Variants in ZNF385D observed in about 807,000 individuals in gnomAD.
ZNF385D encodes the protein zinc finger protein 385D.
In ZNF385D, 15 loss-of-function variants were observed where a neutral mutation model predicts 35.8. That is an observed-to-expected ratio of 0.42 (90% CI 0.28 to 0.64). The LOEUF is 0.64. Among genes scored for constraint, ZNF385D ranks in the 30% least tolerant of loss-of-function variants. The pLI is 0.23. For synonymous variants in ZNF385D, 212 were observed against 186.8 expected (o/e 1.13, Z -1.10); for missense variants, 474 against 494.6 (o/e 0.96, Z 0.39).
intron 3 of ZNF385D, among the ~76,000 whole-genome samples, chr3:21,938,426 A>G (rs918746905): frequency 6.6e-6 from 1 of 152,216 alleles, no homozygotes; most frequent in African/African-American, 2.4e-5. Flanking sequence ...AGAGAATGAA[A>G]GTAGGCCAGA....
chr3:22,338,393 T>C (rs760479143), intron 2 of ZNF385D, among the ~76,000 whole-genome samples: 8 of 152,172 alleles, frequency 5.3e-5, no homozygotes, highest in African/African-American at 1.4e-4. Context: ...TTTGATAACA[T>C]AGAATTCCAT....
intron 4 of ZNF385D, among the ~76,000 whole-genome samples, chr3:21,477,337 A>G (rs1704319504): frequency 6.6e-6 from 1 of 152,148 alleles, no homozygotes; most frequent in South Asian, 2.1e-4. Flanking sequence ...CAGAGGCAGA[A>G]GAATCACTTG....
chr3:22,363,701 G>A (rs1428193714), intron 2 of ZNF385D, among the ~76,000 whole-genome samples: 1 of 152,082 alleles, frequency 6.6e-6, no homozygotes, highest in Non-Finnish European at 1.5e-5. Flanking sequence ...TGGTGAGTGT[G>A]TATTCTTACA....
At chr3:22,225,789 A>T (rs1027378396) in intron 2 of ZNF385D, among the ~76,000 whole-genome samples, 1 of 152,152 alleles carries the variant, frequency 6.6e-6, no homozygotes, top group Non-Finnish European at 1.5e-5. Context: ...AAATTTTTAC[A>T]CTCATCTCAG....
intron 3 of ZNF385D, among the ~76,000 whole-genome samples, chr3:21,862,767 T>A (rs144503958): frequency 1.3e-5 from 2 of 152,246 alleles, no homozygotes; most frequent in Admixed American, 6.5e-5. Flanking sequence ...GTTAGCACGG[T>A]CCCTGTTACA....
At chr3:21,981,462 T>A (rs1694446298) in intron 3 of ZNF385D, among the ~76,000 whole-genome samples, 1 of 152,170 alleles carries the variant, frequency 6.6e-6, no homozygotes, top group Non-Finnish European at 1.5e-5. Context: ...ATGCTGGATG[T>A]TACACCTTTG....
At chr3:21,537,958 T>G (rs924222717) in intron 3 of ZNF385D, among the ~76,000 whole-genome samples, 1 of 152,030 alleles carries the variant, frequency 6.6e-6, no homozygotes, top group Non-Finnish European at 1.5e-5. Flanking sequence ...CAATGGTGGC[T>G]TGGACCAAAG....
intron 3 of ZNF385D, among the ~76,000 whole-genome samples, chr3:21,936,963 A>G (rs1242820668): frequency 6.6e-6 from 1 of 152,192 alleles, no homozygotes; most frequent in Non-Finnish European, 1.5e-5. Context: ...TCAACTGTTC[A>G]GGTTCTTGTA....
At chr3:21,431,330 A>G (rs1317710052) in intron 5 of ZNF385D, among the ~76,000 whole-genome samples, 3 of 152,166 alleles carry the variant, frequency 2.0e-5, no homozygotes, top group Admixed American at 2.0e-4. Flanking sequence ...CAGTGATGTA[A>G]TAATTCTTAT....
Position 21,646,674 on chromosome 3 carries a change from A to C in ZNF385D, c.165+18212T>G, listed in dbSNP as rs559493666. Among the ~76,000 whole-genome samples the C allele has an allele frequency of 6.6e-6, 1 of 152,342 alleles. No individual in the cohort carries two copies. The highest frequency in any genetic ancestry group is 2.1e-4 in the South Asian group (1 of 4,832). On this transcript the variant is annotated intron_variant, in intron 2 of 7. Coordinates refer to ENST00000281523, the MANE Select transcript of ZNF385D (RefSeq NM_024697.3). The surrounding 1 kb of genome is among the most constrained non-coding windows in gnomAD (Gnocchi z 4.3). ...TTACTTCAGAGGCAATTAGAAAGAA[A>C]GAAACAGGCCTGCCTTCACTTCTCA...
chr3:22,125,398 G>T (rs936595406), intron 3 of ZNF385D, among the ~76,000 whole-genome samples: 1 of 151,986 alleles, frequency 6.6e-6, no homozygotes, highest in Non-Finnish European at 1.5e-5. Context: ...GCTGTCCTGG[G>T]ACTTTTATGG....
At chr3:21,763,925 G>T (rs937828829) in intron 3 of ZNF385D, among the ~76,000 whole-genome samples, 1 of 152,116 alleles carries the variant, frequency 6.6e-6, no homozygotes, top group African/African-American at 2.4e-5. Flanking sequence ...CTGTGAGAGG[G>T]GCCAGGGATA....
intron 3 of ZNF385D, among the ~76,000 whole-genome samples, chr3:22,141,559 G>C (rs1000449948): frequency 6.6e-6 from 1 of 152,086 alleles, no homozygotes; most frequent in Non-Finnish European, 1.5e-5. Context: ...GACCATCATG[G>C]ACTTCAGCCT....
chr3:21,618,730 T>C lies in ZNF385D; in HGVS notation c.165+46156A>G, dbSNP rs544777344. 7.2e-5 allele frequency among the ~76,000 whole-genome samples: 11 copies of C among 152,158 alleles called. 1 individual carries two copies. The South Asian group carries it at 2.3e-3, about 32-fold the overall frequency. On this transcript the variant is annotated intron_variant, in intron 2 of 7. Transcript: ENST00000281523. ...TTAAATAAGGAAAAAAGTCTATCAG[T>C]TAAAGAACAAAAGTCTACCCAACAT...
chr3:22,037,079 T>A (rs547421474), intron 3 of ZNF385D, among the ~76,000 whole-genome samples: 2 of 152,256 alleles, frequency 1.3e-5, no homozygotes, highest in East Asian at 1.9e-4. Flanking sequence ...TTATGGTGTA[T>A]ATGTGCCACA....
chr3:21,924,025 A>G (rs557756413), intron 3 of ZNF385D, among the ~76,000 whole-genome samples: 3 of 152,344 alleles, frequency 2.0e-5, no homozygotes, highest in African/African-American at 7.2e-5. Flanking sequence ...TTTATGCCTC[A>G]AAATTACCAA....
chr3:21,759,473 C>A (rs562781425), intron 3 of ZNF385D, among the ~76,000 whole-genome samples: 1 of 152,180 alleles, frequency 6.6e-6, no homozygotes, highest in South Asian at 2.1e-4. Flanking sequence ...TTTTATTTGA[C>A]AGACAGTGTA....
chr3:22,118,772 G>C (rs749747115), intron 3 of ZNF385D, among the ~76,000 whole-genome samples: 1 of 152,020 alleles, frequency 6.6e-6, no homozygotes, highest in Non-Finnish European at 1.5e-5. Context: ...TCTGGGTTTA[G>C]AATTTCACAG....
At chr3:22,027,831 G>T (rs1335155547) in intron 3 of ZNF385D, among the ~76,000 whole-genome samples, 1 of 152,162 alleles carries the variant, frequency 6.6e-6, no homozygotes, top group African/African-American at 2.4e-5. Flanking sequence ...GCCTCATGGG[G>T]GGTTCTCTAT....
Sources: allele counts gnomAD v4.1 joint callset (sites outside exome capture counted in the v4.1 genomes callset), GRCh38; gene constraint gnomAD v4.1.1; non-coding constraint Gnocchi (gnomAD v3.1); transcripts MANE v1.5; gene names NCBI Gene and HGNC (gene_info 2026-07-23, HGNC 2026-07-21).